ME3: variants seen among roughly 807,000 people sequenced by gnomAD.
ME3 encodes malic enzyme 3.
Under a neutral mutation model 68.9 loss-of-function variants are expected in ME3, and 48 were observed. The ratio of observed to expected loss-of-function variants is 0.70; its 90% CI spans 0.55 to 0.89. ME3 has a LOEUF of 0.89. ME3 is among the 40% of genes least tolerant of loss of function. The probability of loss-of-function intolerance (pLI) is 0.00; values close to 1 mark genes in which losing one functional copy is unlikely to be tolerated. For missense variants in ME3, 675 were observed against 797.4 expected, an observed-to-expected ratio of 0.85 and a Z score of 1.85; for synonymous variants, 320 against 318.8, an observed-to-expected ratio of 1.00 and a Z score of -0.04.
rs1958192132 is a variant in ME3, at chr11:86,577,653, C to T, written c.184-17830G>A. Among the ~76,000 whole-genome samples the T allele has an allele frequency of 3.3e-5, 5 of 152,172 alleles. No individual in the cohort carries two copies. In the South Asian group the frequency reaches 1.0e-3, roughly 32 times the overall value. ...GAATCATAACTTTTTAAAAAATGAGCTCATTTTTATATTCTATGTTATTAA... is the reference window on the plus strand; with the variant it reads ...GAATCATAACTTTTTAAAAAATGAGTTCATTTTTATATTCTATGTTATTAA... On this transcript the variant is annotated intron_variant, in intron 2 of 14. Coordinates refer to ENST00000543262, the Ensembl canonical transcript of ME3.
chr11:86,556,330 G>T (rs1956922926), intron 4 of ME3, among the ~76,000 whole-genome samples: 1 of 152,146 alleles, frequency 6.6e-6, no homozygotes, highest in Non-Finnish European at 1.5e-5. Flanking sequence ...TTATTTGGAG[G>T]TGAAGAAGAG....
intron 2 of ME3, among the ~76,000 whole-genome samples, chr11:86,634,857 G>C (rs1253596165): frequency 6.6e-6 from 1 of 152,180 alleles, no homozygotes; most frequent in Non-Finnish European, 1.5e-5. Context: ...ACAAACCATA[G>C]AAGTTAATTT....
chr11:86,539,535 C>A (rs565267549), intron 4 of ME3, among the ~76,000 whole-genome samples: 1 of 152,226 alleles, frequency 6.6e-6, no homozygotes, highest in South Asian at 2.1e-4. Flanking sequence ...GGTGGCCAAC[C>A]ACAAAGATGG....
chr11:86,594,932 G>C (rs1326201136), intron 2 of ME3, among the ~76,000 whole-genome samples: 1 of 145,688 alleles, frequency 6.9e-6, no homozygotes, highest in Non-Finnish European at 1.5e-5. Flanking sequence ...AGTTTCTCCA[G>C]TGAAATGCTA....
chr11:86,643,861 C>G (rs577089763), intron 2 of ME3, among the ~76,000 whole-genome samples: 1 of 152,112 alleles, frequency 6.6e-6, no homozygotes, highest in South Asian at 2.1e-4. Context: ...TTGCTGATGT[C>G]CCTTACTATC....
At chr11:86,616,459 A>T (rs1457879506) in intron 2 of ME3, among the ~76,000 whole-genome samples, 1 of 152,170 alleles carries the variant, frequency 6.6e-6, no homozygotes, top group East Asian at 1.9e-4. Context: ...AATTCTTCTT[A>T]AATGAACTAT....
At chr11:86,495,214 A>G (rs1278537613) in intron 6 of ME3, among the ~76,000 whole-genome samples, 1 of 152,168 alleles carries the variant, frequency 6.6e-6, no homozygotes, top group Non-Finnish European at 1.5e-5. Flanking sequence ...CCTATGCTGT[A>G]AAAAAGAGGG....
chr11:86,487,578 C>G, intron 6 of ME3, 138 bp from the exon 7 acceptor site: 1 of 662,608 alleles, frequency 1.5e-6, no homozygotes, highest in East Asian at 2.7e-5. Context: ...TGGATCCCCC[C>G]CGCCCAGGTG....
intron 3 of ME3, 116 bp downstream of exon 3, chr11:86,559,574 C>G: frequency 2.3e-6 from 3 of 1,313,766 alleles, no homozygotes; most frequent in Non-Finnish European, 3.1e-6. Context: ...TCTGGGATCT[C>G]TTTGGGCTCT....
intron 4 of ME3, among the ~76,000 whole-genome samples, chr11:86,551,384 G>T (rs635637): frequency 0.95 from 144,012 of 152,144 alleles, 68,345 homozygotes; most frequent in African/African-American, 0.99. Flanking sequence ...ACATGATATA[G>T]TATGTTTCCC....
intron 4 of ME3, among the ~76,000 whole-genome samples, chr11:86,520,552 CAG>C (rs1954198156): frequency 1.4e-5 from 1 of 70,368 alleles, no homozygotes; most frequent in African/African-American, 6.5e-5. Flanking sequence ...GGCTAATTCA[CAG>C]AGTGCTAGAG....
intron 4 of ME3, among the ~76,000 whole-genome samples, chr11:86,553,783 A>G (rs1279267571): frequency 1.3e-5 from 2 of 152,146 alleles, no homozygotes; most frequent in East Asian, 1.9e-4. Flanking sequence ...AGTGGTATCT[A>G]GCAATCCCCA....
At chr11:86,655,941 C>T (rs113393926) in intron 2 of ME3, among the ~76,000 whole-genome samples, 216 of 151,994 alleles carry the variant, frequency 1.4e-3, no homozygotes, top group Non-Finnish European at 2.8e-3. Flanking sequence ...GGGCCAAGGA[C>T]ATGAACAGAC....
At chr11:86,535,894 T>A (rs1478211229) in intron 4 of ME3, among the ~76,000 whole-genome samples, 1 of 152,192 alleles carries the variant, frequency 6.6e-6, no homozygotes, top group Non-Finnish European at 1.5e-5. Flanking sequence ...ACTCCTTCCA[T>A]CCATCCTTCC....
chr11:86,448,087 C>T, intron 11 of ME3, 63 bp downstream of exon 11: 1 of 1,183,052 alleles, frequency 8.5e-7, no homozygotes, highest in Non-Finnish European at 1.3e-6. Flanking sequence ...GAGCCTCTGT[C>T]TCTCCATCTG....
At chr11:86,652,922 A>C (rs929622329) in intron 2 of ME3, among the ~76,000 whole-genome samples, 9 of 152,308 alleles carry the variant, frequency 5.9e-5, no homozygotes, top group African/African-American at 2.2e-4. Context: ...AATGGAAAAA[A>C]AAAAAAGGCA....
chr11:86,649,009 C>CA (rs80199385), intron 2 of ME3, among the ~76,000 whole-genome samples: 29,778 of 151,828 alleles, frequency 0.2, 3,707 homozygotes, highest in East Asian at 0.56. Flanking sequence ...AGAGACACAA[C>CA]AAAAAAAGAA....
At chr11:86,491,302 C>A (rs113159046) in intron 6 of ME3, among the ~76,000 whole-genome samples, 3 of 152,180 alleles carry the variant, frequency 2.0e-5, no homozygotes, top group Admixed American at 6.5e-5. Flanking sequence ...ACGAAGCATC[C>A]TCTTCGTCCC....
intron 6 of ME3, among the ~76,000 whole-genome samples, chr11:86,489,969 G>A (rs1293629878): frequency 1.3e-5 from 2 of 152,154 alleles, no homozygotes; most frequent in Non-Finnish European, 2.9e-5. Flanking sequence ...CCTTGGACTC[G>A]TAAGTGCAGG....
Sources: gnomAD v4.1 joint callset for allele counts (sites outside exome capture counted in the v4.1 genomes callset) on GRCh38, gnomAD v4.1.1 for gene constraint, MANE v1.5 for transcripts, NCBI Gene and HGNC (gene_info 2026-07-23, HGNC 2026-07-21) for gene names.